The following MYO3B variants were observed in gnomAD, a reference collection of about 807,000 sequenced individuals.
The protein encoded by MYO3B is myosin IIIB.
In MYO3B, 156 loss-of-function variants were observed where a neutral mutation model predicts 174.6. That is an observed-to-expected ratio of 0.89 (90% CI 0.78 to 1.02). MYO3B has a LOEUF of 1.02. MYO3B is among the 50% of genes least tolerant of loss of function. The pLI is 0.00. For synonymous variants in MYO3B, 563 were observed against 569.1 expected (o/e 0.99, Z 0.15); for missense variants, 1,632 against 1,639.4 (o/e 1.00, Z 0.08).
At chr2:170,211,094 T>C (rs556557273) in intron 3 of MYO3B, among the ~76,000 whole-genome samples, 128 of 152,330 alleles carry the variant, frequency 8.4e-4, no homozygotes, top group African/African-American at 3.0e-3. Flanking sequence ...CCACTTTTAA[T>C]TCCTGGGGTT....
At chr2:170,291,729 T>G (rs528005259) in intron 7 of MYO3B, among the ~76,000 whole-genome samples, 1 of 152,214 alleles carries the variant, frequency 6.6e-6, no homozygotes, top group Admixed American at 6.5e-5. Flanking sequence ...TTTATTTTCT[T>G]AAAGCACTTT....
At chr2:170,557,688 T>C (rs1331944939) in intron 32 of MYO3B, among the ~76,000 whole-genome samples, 1 of 152,110 alleles carries the variant, frequency 6.6e-6, no homozygotes, top group Non-Finnish European at 1.5e-5. Flanking sequence ...GACAAATAAA[T>C]TTGAAAACAA....
chr2:170,373,589 G>A (rs767242771), intron 9 of MYO3B, among the ~76,000 whole-genome samples: 14 of 152,170 alleles, frequency 9.2e-5, no homozygotes, highest in Non-Finnish European at 1.9e-4. Flanking sequence ...GTTCTTAAAG[G>A]ATGGGGGAAC....
At chr2:170,594,823 G>A (rs531747747) in intron 32 of MYO3B, among the ~76,000 whole-genome samples, 16 of 125,190 alleles carry the variant, frequency 1.3e-4, no homozygotes, top group South Asian at 2.7e-4. Context: ...CTTTCCCAGC[G>A]CGCGCACACA....
At chr2:170,531,164 C>A (rs1689327279) in intron 30 of MYO3B, among the ~76,000 whole-genome samples, 1 of 152,150 alleles carries the variant, frequency 6.6e-6, no homozygotes, top group African/African-American at 2.4e-5. Flanking sequence ...ATGGTTTCCA[C>A]AAAGCAGGTT....
chr2:170,639,848 G>T (rs887053752), intron 32 of MYO3B, among the ~76,000 whole-genome samples: 1 of 152,104 alleles, frequency 6.6e-6, no homozygotes, highest in African/African-American at 2.4e-5. Flanking sequence ...CAGCAAAATT[G>T]TTCTCTTGGA....
intron 32 of MYO3B, among the ~76,000 whole-genome samples, chr2:170,618,087 G>A (rs896817306): frequency 6.6e-6 from 1 of 152,124 alleles, no homozygotes; most frequent in Non-Finnish European, 1.5e-5. Flanking sequence ...TCTAATGAGA[G>A]ACATACATTA....
chr2:170,436,043 TA>T (rs1379116611), intron 22 of MYO3B, among the ~76,000 whole-genome samples: 4 of 152,220 alleles, frequency 2.6e-5, no homozygotes, highest in African/African-American at 9.7e-5. Context: ...TCTTTTCTTT[TA>T]AGTTGGAAGC....
At position 170,217,773 on chromosome 2, in the gene MYO3B, A is replaced by G. The variant is rs180742259; in HGVS notation, c.603+378A>G. On this transcript the variant is annotated intron_variant, in intron 6 of 34. Coordinates refer to ENST00000408978, the MANE Select transcript of MYO3B (RefSeq NM_138995.5). ...TGTGAAGAGCCAGATTTCAGCACCA[A>G]CTGGCCTACAGAACTATATGCGGTG... Among the ~76,000 whole-genome samples the G allele has an allele frequency of 2.3e-3, 347 of 152,332 alleles. 2 individuals carry two copies. Among genetic ancestry groups the G allele is most frequent in the Non-Finnish European group, 2.9e-3 (196 of 68,032 alleles).
At chr2:170,650,880 C>T (rs1698957889) in intron 32 of MYO3B, among the ~76,000 whole-genome samples, 1 of 151,686 alleles carries the variant, frequency 6.6e-6, no homozygotes, top group Non-Finnish European at 1.5e-5. Context: ...GACGGGGTTT[C>T]ACCATGTTGG....
chr2:170,352,630 C>T (rs1224830638), intron 8 of MYO3B, among the ~76,000 whole-genome samples: 1 of 152,104 alleles, frequency 6.6e-6, no homozygotes, highest in Non-Finnish European at 1.5e-5. Context: ...TCAGTGTTTA[C>T]TCGTTTTCAT....
At chr2:170,212,009 C>G (rs988409081) in intron 3 of MYO3B, among the ~76,000 whole-genome samples, 1 of 151,304 alleles carries the variant, frequency 6.6e-6, no homozygotes, top group East Asian at 1.9e-4. Flanking sequence ...CTTGGGAGGC[C>G]GAGGCTGGCA....
In MYO3B at chr2:170,336,054, C is replaced by A. The variant is rs191943925; in HGVS notation, c.815+604C>A. Among the ~76,000 whole-genome samples, 37 of 152,210 alleles carry A rather than the reference C, an allele frequency of 2.4e-4. No individual in the cohort carries two copies. In the East Asian group the frequency reaches 3.3e-3, roughly 14 times the overall value. ...GCTGGGACTCAGACAGGAGCAGAATCAACAGTGAAACCAATAGTGGCTCAG... is the reference window on the plus strand; with the variant it reads ...GCTGGGACTCAGACAGGAGCAGAATAAACAGTGAAACCAATAGTGGCTCAG... On this transcript the variant is annotated intron_variant, in intron 8 of 34. Coordinates refer to ENST00000408978, the MANE Select transcript of MYO3B (RefSeq NM_138995.5).
chr2:170,566,594 A>G (rs1692093002), intron 32 of MYO3B, among the ~76,000 whole-genome samples: 4 of 152,076 alleles, frequency 2.6e-5, no homozygotes, highest in Admixed American at 2.6e-4. Context: ...CTTCAATAAC[A>G]TTTTTCACTG....
chr2:170,402,763 G>A (rs2094486067), intron 18 of MYO3B, 85 bp from the exon 19 acceptor site: 2 of 1,327,668 alleles, frequency 1.5e-6, no homozygotes, highest in South Asian at 4.2e-5. Flanking sequence ...TACTTGAGCT[G>A]ATAAGCACTT....
intron 2 of MYO3B, among the ~76,000 whole-genome samples, chr2:170,199,749 G>A (rs191620146): frequency 1.1e-4 from 17 of 152,304 alleles, no homozygotes; most frequent in African/African-American, 3.6e-4. Context: ...GAGCACCGGG[G>A]TTATAATGCT....
At chr2:170,368,937 A>G (rs1476076655) in intron 8 of MYO3B, among the ~76,000 whole-genome samples, 1 of 151,924 alleles carries the variant, frequency 6.6e-6, no homozygotes, top group East Asian at 1.9e-4. Context: ...TGAGCAGTCT[A>G]TATTTTTAGT....
intron 27 of MYO3B, among the ~76,000 whole-genome samples, chr2:170,501,120 T>TACA (rs1687244253): frequency 6.6e-6 from 1 of 152,058 alleles, no homozygotes; most frequent in African/African-American, 2.4e-5. Flanking sequence ...GTGGGTGGCT[T>TACA]AATGCCCCAG....
Position 170,387,238 on chromosome 2 carries a change from A to G in MYO3B, c.1507A>G (p.Thr503Ala). ...ATATCTGGAAATGATGTTTACACCA[A>G]CTGGAGTTGTGATGGGGGCAAGAAT... is the stretch of plus-strand genomic sequence containing the variant. Reference protein sequence around the residue: ...GKYLEMMFTPTGVVMGARISE... With the variant: ...GKYLEMMFTPAGVVMGARISE... The change falls in exon 14 of 35, where the codon ACT (threonine) becomes GCT (alanine). Residue 503 changes from threonine to alanine, a missense_variant. Coordinates refer to ENST00000408978, the MANE Select transcript of MYO3B (RefSeq NM_138995.5). 4 of 1,614,154 alleles carry G rather than the reference A, an allele frequency of 2.5e-6. No individual in the cohort carries two copies. The highest frequency in any genetic ancestry group is 1.1e-5 in the South Asian group (1 of 91,084).
Sources: allele counts gnomAD v4.1 joint callset (sites outside exome capture counted in the v4.1 genomes callset), GRCh38; gene constraint gnomAD v4.1.1; transcripts MANE v1.5; gene names NCBI Gene and HGNC (gene_info 2026-07-23, HGNC 2026-07-21).